Variants in PLAGL1 observed in about 807,000 individuals in gnomAD.
PLAGL1 encodes the protein PLAG1 like zinc finger 1.
A neutral mutation model predicts 4.6 loss-of-function variants in PLAGL1; 1 was observed. The observed-to-expected ratio is 0.22, with a 90% CI of 0.08 to 1.03. The LOEUF (loss-of-function observed/expected upper bound fraction) is 1.03. Ranked by LOEUF, PLAGL1 falls within the 50% of genes least tolerant of loss-of-function variation. The probability of loss-of-function intolerance (pLI) is 0.58; values close to 1 mark genes in which losing one functional copy is unlikely to be tolerated. For missense variants in PLAGL1, 464 were observed against 570.4 expected (o/e 0.81, Z 1.90); for synonymous variants, 240 against 237.8 (o/e 1.01, Z -0.08).
rs1429594891 is a variant in PLAGL1, at chr6:144,000,748, TAG to T, written c.-584+7340_-584+7341del. 6.6e-6 allele frequency among the ~76,000 whole-genome samples: 1 copy of T among 152,124 alleles called. No individual in the cohort carries two copies. The highest frequency in any genetic ancestry group is 2.4e-5 in the African/African-American group (1 of 41,444). On this transcript the variant is annotated intron_variant, in intron 1 of 7. Coordinates refer to ENST00000674357, the MANE Select transcript of PLAGL1 (RefSeq NM_001317162.2). This position sits in a 1 kb window ranked among gnomAD's most constrained non-coding sequence, Gnocchi z 4.1. ...CTGCTCTATGACATATCAAAATCAT[TAG>T]AGTTATCTTAGGAAGATTTGTTCAG...
At chr6:144,045,696 G>C (rs1318236455) in intron 1 of PLAGL1, among the ~76,000 whole-genome samples, 1 of 152,118 alleles carries the variant, frequency 6.6e-6, no homozygotes, top group African/African-American at 2.4e-5. Flanking sequence ...GAGTATCTTT[G>C]TGGTGTTCTC....
chr6:144,042,771 G>T (rs1797837605), intron 1 of PLAGL1, among the ~76,000 whole-genome samples: 1 of 152,136 alleles, frequency 6.6e-6, no homozygotes, highest in African/African-American at 2.4e-5. Context: ...GGGCAGTATG[G>T]CCATTTTCAT....
rs1785500540 is a variant in PLAGL1, at chr6:143,971,940, G to T, written c.-543-2962C>A. On this transcript the variant is annotated intron_variant, in intron 2 of 7. Transcript: ENST00000674357. This position sits in a 1 kb window ranked among gnomAD's most constrained non-coding sequence, Gnocchi z 4.7. The stretch of plus-strand genomic sequence containing the variant: ...AAAGAATAACAGAGAAGAGAGCTTG[G>T]ATCTGAAAAGAAAAATGCCACACAC... Among the ~76,000 whole-genome samples, 1 of 152,182 alleles carries T rather than the reference G, an allele frequency of 6.6e-6. No homozygotes were observed. Among genetic ancestry groups the T allele is most frequent in the Non-Finnish European group, 1.5e-5 (1 of 68,034 alleles).
In PLAGL1 at chr6:143,958,503, C is replaced by T. The variant is rs9321952; in HGVS notation, c.-325+1966G>A. Among the ~76,000 whole-genome samples, 1 of 151,946 alleles carries T rather than the reference C, an allele frequency of 6.6e-6. No individual in the cohort carries two copies. The highest frequency in any genetic ancestry group is 2.4e-5 in the African/African-American group (1 of 41,350). ...TGCACCTGTTCCCAAGCTCACTCCACTTCCTCCAGAAGCATGCCTGTCTGC... is the reference window on the plus strand; with the variant it reads ...TGCACCTGTTCCCAAGCTCACTCCATTTCCTCCAGAAGCATGCCTGTCTGC... On this transcript the variant is annotated intron_variant, in intron 6 of 7. Coordinates refer to ENST00000674357, the MANE Select transcript of PLAGL1 (RefSeq NM_001317162.2). The surrounding 1 kb of genome is among the most constrained non-coding windows in gnomAD (Gnocchi z 5.1).
In PLAGL1 at chr6:143,941,532, G is replaced by T; in HGVS notation, c.1284C>A (p.Ala428=). 6.4e-7 allele frequency: 1 copy of T among 1,559,176 alleles called. No homozygotes were observed. The highest frequency in any genetic ancestry group is 1.2e-5 in the South Asian group (1 of 80,646). The change falls in exon 8 of 8, where the codon GCC becomes GCA. Residue 428 remains alanine (A), a synonymous_variant. Transcript: ENST00000674357. This position sits in a 1 kb window ranked among gnomAD's most constrained non-coding sequence, Gnocchi z 6.0. ...GCTGGCCCAGGCTCACAGTGCCCAT[G>T]GCAAGTGGGGGTTCTTGCTGCTGCT... ...LGQQQQEPPL[A]MGTVSLGQLP...
rs1418360797 is a variant in PLAGL1, at chr6:143,979,969, T to C, written c.-544+5166A>G. 6.6e-6 allele frequency among the ~76,000 whole-genome samples: 1 copy of C among 152,138 alleles called. No individual in the cohort carries two copies. Among genetic ancestry groups the C allele is most frequent in the African/African-American group, 2.4e-5 (1 of 41,458 alleles). On this transcript the variant is annotated intron_variant, in intron 2 of 7. Transcript: ENST00000674357. This position sits in a 1 kb window ranked among gnomAD's most constrained non-coding sequence, Gnocchi z 4.6. ...AGAAAGTGCTTGCATGTTTCACCTT[T>C]TTTGAAAGATATTGTCACAACTATA...
chr6:144,038,074 CAGAT>C (rs1388424346), intron 1 of PLAGL1, among the ~76,000 whole-genome samples: 1 of 152,194 alleles, frequency 6.6e-6, no homozygotes, highest in Non-Finnish European at 1.5e-5. Flanking sequence ...GTTGGAGTCT[CAGAT>C]GGAGGATAGT....
At chr6:144,014,241 G>A (rs1795406852) in intron 1 of PLAGL1, among the ~76,000 whole-genome samples, 1 of 152,002 alleles carries the variant, frequency 6.6e-6, no homozygotes, top group Admixed American at 6.6e-5. Flanking sequence ...GACCAGCTTG[G>A]CCAACATGGC....
At chr6:144,002,881 G>T (rs1255574918) in intron 1 of PLAGL1, among the ~76,000 whole-genome samples, 1 of 62,060 alleles carries the variant, frequency 1.6e-5, no homozygotes. Flanking sequence ...AATTCTGGTA[G>T]GCTTTTTTTT....
chr6:144,025,098 C>CAGGT (rs1365739767), intron 1 of PLAGL1, among the ~76,000 whole-genome samples: 2 of 152,144 alleles, frequency 1.3e-5, no homozygotes, highest in East Asian at 3.8e-4. Flanking sequence ...TCACCTCAGC[C>CAGGT]AGGTGATCAA....
In PLAGL1 at chr6:143,985,982, T is replaced by TATATA. The variant is rs1554263920; in HGVS notation, c.-583-809_-583-808insTATAT. On this transcript the variant is annotated intron_variant, in intron 1 of 7. Transcript: ENST00000674357. The surrounding 1 kb of genome is among the most constrained non-coding windows in gnomAD (Gnocchi z 4.4). ...TATATCAAATTATATATATATAAAATTATATATATATATATATATATATAT... is the reference window on the plus strand; with the variant it reads ...TATATCAAATTATATATATATAAAATATATATATATATATATATATATATATATAT... Among the ~76,000 whole-genome samples, 7 of 111,582 alleles carry TATATA rather than the reference T, an allele frequency of 6.3e-5. No homozygotes were observed. Among genetic ancestry groups the TATATA allele is most frequent in the East Asian group, 2.7e-4 (1 of 3,704 alleles). The allele number at this position is 111,582 out of a possible 152,430, so 73.2% of individuals were successfully genotyped here. A position where few individuals can be genotyped will look rare whatever the true frequency, so the allele number is the denominator to read the frequency against.
intron 1 of PLAGL1, among the ~76,000 whole-genome samples, chr6:144,041,584 GTTGGACA>G (rs989793771): frequency 2.0e-5 from 3 of 152,096 alleles, no homozygotes; most frequent in African/African-American, 7.2e-5. Context: ...GTCTATCATT[GTTGGACA>G]TTTGGCTTGG....
Position 143,962,235 on chromosome 6 carries a change from C to T in PLAGL1, c.-398-1693G>A, listed in dbSNP as rs1169353908. On this transcript the variant is annotated intron_variant, in intron 5 of 7. Coordinates refer to ENST00000674357, the MANE Select transcript of PLAGL1 (RefSeq NM_001317162.2). This position sits in a 1 kb window ranked among gnomAD's most constrained non-coding sequence, Gnocchi z 5.3. ...ACGATTTAATAAAGCAGAGAACAGA[C>T]AGGAAAAATAACACATCTCAGTTTG... Among the ~76,000 whole-genome samples, 11 of 152,170 alleles carry T rather than the reference C, an allele frequency of 7.2e-5. No homozygotes were observed. The highest frequency in any genetic ancestry group is 1.3e-4 in the Non-Finnish European group (9 of 68,036).
At position 143,955,122 on chromosome 6, in the gene PLAGL1, C is replaced by A. The variant is rs527551249; in HGVS notation, c.-325+5347G>T. The stretch of plus-strand genomic sequence containing the variant: ...AAAACAGATAAATAGAAGTGAAAAT[C>A]ATTACTAAAACTTGAGGTGGTGGTT... On this transcript the variant is annotated intron_variant, in intron 6 of 7. Coordinates refer to ENST00000674357, the MANE Select transcript of PLAGL1 (RefSeq NM_001317162.2). This position sits in a 1 kb window ranked among gnomAD's most constrained non-coding sequence, Gnocchi z 4.9. 2.0e-5 allele frequency among the ~76,000 whole-genome samples: 3 copies of A among 152,298 alleles called. No homozygotes were observed. The East Asian group carries it at 5.8e-4, about 29-fold the overall frequency.
At chr6:144,003,172 T>C (rs922045196) in intron 1 of PLAGL1, among the ~76,000 whole-genome samples, 6 of 152,094 alleles carry the variant, frequency 3.9e-5, no homozygotes, top group African/African-American at 1.4e-4. Flanking sequence ...AAAGGTGTTG[T>C]TTTTTTCAAT....
intron 1 of PLAGL1, among the ~76,000 whole-genome samples, chr6:144,062,633 C>A (rs1243369155): frequency 6.6e-6 from 1 of 152,074 alleles, no homozygotes; most frequent in Non-Finnish European, 1.5e-5. Context: ...CTCTGGGCCA[C>A]GCAGCACTTT....
intron 1 of PLAGL1, among the ~76,000 whole-genome samples, chr6:143,987,790 G>C (rs1232885598): frequency 6.6e-6 from 1 of 152,082 alleles, no homozygotes; most frequent in Non-Finnish European, 1.5e-5. Context: ...GTCTTCTTAA[G>C]TAAATACAAG....
At position 144,015,478 on chromosome 6, in the gene PLAGL1, GA is replaced by G. The variant is rs1019749199; in HGVS notation, c.-150-46501del. ...CTGATCTTTAAAAGAGACCATTAAG[GA>G]AAAAAATCTAAGCCACATGGGAAAA... is the stretch of plus-strand genomic sequence containing the variant. On this transcript the variant is annotated intron_variant, in intron 1 of 3. Coordinates refer to the PLAGL1 transcript ENST00000437412. The surrounding 1 kb of genome is among the most constrained non-coding windows in gnomAD (Gnocchi z 4.3). 4.6e-5 allele frequency among the ~76,000 whole-genome samples: 7 copies of G among 152,150 alleles called. No individual in the cohort carries two copies. The highest frequency in any genetic ancestry group is 1.4e-4 in the African/African-American group (6 of 41,512).
rs966439993 is a variant in PLAGL1 at position 143,955,342 on chromosome 6, A to G, written c.-325+5127T>C. ...ATACAGGTGCAGATGTGGGCAAAGG[A>G]GAAAACAGGCTAGAGAGATGGAGAA... On this transcript the variant is annotated intron_variant, in intron 6 of 7. Transcript: ENST00000674357. The surrounding 1 kb of genome is among the most constrained non-coding windows in gnomAD (Gnocchi z 4.9). 1.3e-5 allele frequency among the ~76,000 whole-genome samples: 2 copies of G among 152,210 alleles called. No homozygotes were observed. Among genetic ancestry groups the G allele is most frequent in the Non-Finnish European group, 2.9e-5 (2 of 68,042 alleles).
Sources: gnomAD v4.1 joint callset for allele counts (sites outside exome capture counted in the v4.1 genomes callset) on GRCh38, gnomAD v4.1.1 for gene constraint, Gnocchi (gnomAD v3.1) non-coding constraint, MANE v1.5 for transcripts, NCBI Gene and HGNC (gene_info 2026-07-23, HGNC 2026-07-21) for gene names.